KAZN: variants seen among roughly 807,000 people sequenced by gnomAD.
The protein encoded by KAZN is kazrin, periplakin interacting protein, also known as kazrin.
A neutral mutation model predicts 87.4 loss-of-function variants in KAZN; 40 were observed. The observed-to-expected ratio is 0.46, with a 90% CI of 0.36 to 0.60. The LOEUF (loss-of-function observed/expected upper bound fraction) is 0.60, where lower values mean the gene tolerates loss of function less well. Ranked by LOEUF, KAZN falls within the 20% of genes least tolerant of loss-of-function variation. KAZN has a pLI of 0.00. For synonymous variants in KAZN, 466 were observed against 458.3 expected (o/e 1.02, Z -0.22); for missense variants, 898 against 1,073.9 (o/e 0.84, Z 2.29).
In KAZN at chr1:14,980,394, G is replaced by A. The variant is rs78580505; in HGVS notation, c.418+19519G>A. ...TTGCCCAGTGCTCAGGATCTGAGTA[G>A]GCAGGCAGGTGTGTCAGGCAGGCAT... On this transcript the variant is annotated intron_variant, in intron 2 of 14. Coordinates refer to ENST00000376030, the MANE Select transcript of KAZN (RefSeq NM_201628.3). Among the ~76,000 whole-genome samples the A allele has an allele frequency of 2.2e-3, 339 of 152,298 alleles. 3 individuals carry two copies. Among genetic ancestry groups the A allele is most frequent in the African/African-American group, 7.7e-3 (318 of 41,548 alleles).
chr1:14,354,645 G>GACACAC (rs71570202), intron 2 of KAZN, among the ~76,000 whole-genome samples: 21,390 of 141,246 alleles, frequency 0.15, 1,819 homozygotes, highest in Middle Eastern at 0.19. Flanking sequence ...AGCTAAATTA[G>GACACAC]ACACACACAC....
intron 2 of KAZN, among the ~76,000 whole-genome samples, chr1:14,479,653 T>A (rs541031625): frequency 2.6e-5 from 4 of 152,320 alleles, no homozygotes; most frequent in African/African-American, 9.6e-5. Flanking sequence ...CTGCCCATAT[T>A]TCTATCATCG....
chr1:14,920,885 A>G (rs1196897214), intron 1 of KAZN, among the ~76,000 whole-genome samples: 1 of 152,112 alleles, frequency 6.6e-6, no homozygotes, highest in Non-Finnish European at 1.5e-5. Flanking sequence ...CTCCTGGTGG[A>G]GAACTGAGCA....
chr1:14,122,769 T>G (rs1225855006), intron 1 of KAZN, among the ~76,000 whole-genome samples: 3 of 152,250 alleles, frequency 2.0e-5, no homozygotes, highest in Non-Finnish European at 4.4e-5. Flanking sequence ...ATACATTCTT[T>G]CCATTTGCTG....
Position 15,030,622 on chromosome 1 carries a change from G to A in KAZN, c.419-4127G>A, listed in dbSNP as rs1009288423. 3.9e-5 allele frequency among the ~76,000 whole-genome samples: 6 copies of A among 152,244 alleles called. No individual in the cohort carries two copies. The East Asian group carries it at 1.2e-3, about 29-fold the overall frequency. On this transcript the variant is annotated intron_variant, in intron 2 of 14. Transcript: ENST00000376030. ...TTCACCAGCAATGTGGTCGCATCAT[G>A]TTAGGGGGCAGGGCACAAAACTAGC...
intron 2 of KAZN, among the ~76,000 whole-genome samples, chr1:14,471,895 A>T (rs1668474782): frequency 6.6e-6 from 1 of 152,222 alleles, no homozygotes. Context: ...GAGTCTCAGA[A>T]GCTCTAGGAC....
At chr1:14,963,838 G>A (rs192307060) in intron 2 of KAZN, among the ~76,000 whole-genome samples, 199 of 152,094 alleles carry the variant, frequency 1.3e-3, no homozygotes, top group African/African-American at 4.1e-3. Flanking sequence ...GCGTCTACAT[G>A]TTCTCATTGT....
intron 1 of KAZN, among the ~76,000 whole-genome samples, chr1:14,667,357 C>T (rs1474544729): frequency 6.6e-6 from 1 of 152,138 alleles, no homozygotes. Flanking sequence ...GATGAGGGGA[C>T]TCGAAGGTGA....
chr1:14,707,907 G>A (rs1642293748), intron 1 of KAZN, among the ~76,000 whole-genome samples: 1 of 152,178 alleles, frequency 6.6e-6, no homozygotes, highest in African/African-American at 2.4e-5. Context: ...CTCTGGAAGT[G>A]CAGAAAAGAA....
intron 1 of KAZN, among the ~76,000 whole-genome samples, chr1:14,104,041 C>T (rs1453673607): frequency 6.6e-6 from 1 of 152,106 alleles, no homozygotes; most frequent in Non-Finnish European, 1.5e-5. Context: ...TTGGGGGTTA[C>T]TGGAGACAGC....
At chr1:14,426,595 A>G (rs1422691980) in intron 2 of KAZN, among the ~76,000 whole-genome samples, 4 of 152,120 alleles carry the variant, frequency 2.6e-5, no homozygotes, top group Non-Finnish European at 5.9e-5. Flanking sequence ...TTGGTACCCA[A>G]AAACCATCTT....
At chr1:14,395,364 T>G (rs1662808153) in intron 2 of KAZN, among the ~76,000 whole-genome samples, 1 of 152,114 alleles carries the variant, frequency 6.6e-6, no homozygotes, top group African/African-American at 2.4e-5. Flanking sequence ...GTGCTTGGAA[T>G]AGTCATGTCC....
At chr1:15,031,009 A>C (rs2175771) in intron 2 of KAZN, among the ~76,000 whole-genome samples, 40,830 of 152,226 alleles carry the variant, frequency 0.27, 6,627 homozygotes, top group Non-Finnish European at 0.35. Context: ...CAGATCCCTC[A>C]GTCCTTAGGC....
chr1:15,048,192 C>T (rs1375763286), intron 4 of KAZN, among the ~76,000 whole-genome samples: 3 of 152,230 alleles, frequency 2.0e-5, no homozygotes, highest in African/African-American at 7.2e-5. Flanking sequence ...ACACCCTCTT[C>T]GCTGCTTCAC....
At chr1:14,539,938 T>A (rs1357198893) in intron 2 of KAZN, among the ~76,000 whole-genome samples, 1 of 152,212 alleles carries the variant, frequency 6.6e-6, no homozygotes, top group Non-Finnish European at 1.5e-5. Context: ...GACATGTGAA[T>A]AACTGGCTAT....
At position 14,893,130 on chromosome 1, in the gene KAZN, G is replaced by C. The variant is rs536463325; in HGVS notation, c.227-67554G>C. Among the ~76,000 whole-genome samples the C allele has an allele frequency of 6.6e-5, 10 of 152,336 alleles. No homozygotes were observed. The South Asian group carries it at 2.1e-3, about 32-fold the overall frequency. On this transcript the variant is annotated intron_variant, in intron 1 of 14. Coordinates refer to ENST00000376030, the MANE Select transcript of KAZN (RefSeq NM_201628.3). ...TGCCTGTAATCCCAGCACTTTGGGA[G>C]GCCGAGGCAGGTGGATCATGAGGTC...
At chr1:13,894,046 G>A (rs987303210) in intron 1 of KAZN, among the ~76,000 whole-genome samples, 3 of 152,228 alleles carry the variant, frequency 2.0e-5, no homozygotes, top group African/African-American at 7.2e-5. Context: ...GCTAGCTGGG[G>A]GGTGAAGGAG....
At chr1:14,444,139 C>T (rs1367453392) in intron 2 of KAZN, among the ~76,000 whole-genome samples, 3 of 152,088 alleles carry the variant, frequency 2.0e-5, no homozygotes, top group Non-Finnish European at 4.4e-5. Flanking sequence ...GAGTAACTCT[C>T]AAACTTTGAA....
chr1:14,768,705 C>T (rs934311253), intron 1 of KAZN, among the ~76,000 whole-genome samples: 2 of 152,126 alleles, frequency 1.3e-5, no homozygotes, highest in African/African-American at 4.8e-5. Flanking sequence ...CACAGAATAC[C>T]AACTCCAATG....
Sources: gnomAD v4.1 joint callset for allele counts (sites outside exome capture counted in the v4.1 genomes callset) on GRCh38, gnomAD v4.1.1 for gene constraint, MANE v1.5 for transcripts, NCBI Gene and HGNC (gene_info 2026-07-23, HGNC 2026-07-21) for gene names.